IQCJ: variants seen among roughly 807,000 people sequenced by gnomAD.
IQCJ encodes IQ domain-containing protein J.
A neutral mutation model predicts 11.0 loss-of-function variants in IQCJ; 9 were observed. That is an observed-to-expected ratio of 0.82 (90% CI 0.49 to 1.43). The LOEUF is 1.43. Among genes scored for constraint, IQCJ ranks in the 40% most tolerant of loss-of-function variants. IQCJ has a pLI of 0.00. For synonymous variants in IQCJ, 55 were observed against 51.3 expected (o/e 1.07, Z -0.31); for missense variants, 146 against 133.2 (o/e 1.10, Z -0.47).
intron 1 of IQCJ, among the ~76,000 whole-genome samples, chr3:159,242,662 A>C (rs1266305670): frequency 2.0e-5 from 3 of 151,536 alleles, no homozygotes; most frequent in African/African-American, 7.3e-5. Flanking sequence ...AGAAGAATTG[A>C]TCTCAATTCT....
intron 1 of IQCJ, among the ~76,000 whole-genome samples, chr3:159,090,571 C>G (rs1043386360): frequency 2.0e-5 from 3 of 151,570 alleles, no homozygotes; most frequent in Non-Finnish European, 4.4e-5. Flanking sequence ...CAGACTTGTT[C>G]AGGGCTGAAA....
At chr3:159,181,745 T>C (rs1482155785) in intron 1 of IQCJ, among the ~76,000 whole-genome samples, 1 of 151,746 alleles carries the variant, frequency 6.6e-6, no homozygotes, top group Non-Finnish European at 1.5e-5. Context: ...GTGTTGACTT[T>C]CTCTTTTCCA....
intron 1 of IQCJ, among the ~76,000 whole-genome samples, chr3:159,102,566 C>T (rs1162014999): frequency 6.6e-6 from 1 of 152,216 alleles, no homozygotes; most frequent in African/African-American, 2.4e-5. Context: ...TGGGTGAATG[C>T]TGGCTAAACT....
chr3:159,215,265 T>C (rs1459989541), intron 1 of IQCJ, among the ~76,000 whole-genome samples: 1 of 152,088 alleles, frequency 6.6e-6, no homozygotes, highest in Non-Finnish European at 1.5e-5. Context: ...GCAAGTCCTG[T>C]TTTTCAGATT....
chr3:159,104,493 C>A (rs1281431291), intron 1 of IQCJ, among the ~76,000 whole-genome samples: 3 of 152,144 alleles, frequency 2.0e-5, no homozygotes, highest in Non-Finnish European at 2.9e-5. Flanking sequence ...TTACCTTTTC[C>A]CTTTAATACA....
intron 1 of IQCJ, among the ~76,000 whole-genome samples, chr3:159,146,143 G>A (rs1577039324): frequency 6.6e-6 from 1 of 152,314 alleles, no homozygotes; most frequent in East Asian, 1.9e-4. Context: ...TTAACAACAT[G>A]AGTAGAGACC....
chr3:159,072,175 T>C (rs929708302), intron 1 of IQCJ, among the ~76,000 whole-genome samples: 2 of 152,130 alleles, frequency 1.3e-5, no homozygotes, highest in African/African-American at 4.8e-5. Flanking sequence ...GAGAATTGCA[T>C]TGGATTTTTT....
chr3:159,157,488 A>G (rs1285732657), intron 1 of IQCJ, among the ~76,000 whole-genome samples: 1 of 152,208 alleles, frequency 6.6e-6, no homozygotes, highest in Non-Finnish European at 1.5e-5. Flanking sequence ...ATAAGCAAAC[A>G]TTTATATGAT....
chr3:159,135,118 G>C (rs1720213219), intron 1 of IQCJ, among the ~76,000 whole-genome samples: 2 of 152,128 alleles, frequency 1.3e-5, no homozygotes, highest in Admixed American at 1.3e-4. Context: ...TTATGATTTT[G>C]ACAGCTGTGA....
intron 1 of IQCJ, among the ~76,000 whole-genome samples, chr3:159,109,356 A>G (rs1718468181): frequency 6.6e-6 from 1 of 152,162 alleles, no homozygotes; most frequent in Admixed American, 6.6e-5. Context: ...ACAGCCCACA[A>G]GAGTTACTTG....
At chr3:159,185,402 G>C (rs375736983) in intron 1 of IQCJ, among the ~76,000 whole-genome samples, 1 of 152,080 alleles carries the variant, frequency 6.6e-6, no homozygotes, top group East Asian at 1.9e-4. Flanking sequence ...GGTATGGTGG[G>C]CAGTCTAAAA....
At chr3:159,170,434 T>C (rs550694447) in intron 1 of IQCJ, among the ~76,000 whole-genome samples, 19 of 152,318 alleles carry the variant, frequency 1.2e-4, no homozygotes, top group Admixed American at 1.0e-3. Context: ...ATTTGTCTAA[T>C]TGGGGCAGTT....
intron 1 of IQCJ, among the ~76,000 whole-genome samples, chr3:159,109,711 T>A (rs944135632): frequency 6.6e-6 from 1 of 152,060 alleles, no homozygotes; most frequent in African/African-American, 2.4e-5. Flanking sequence ...AATGCCTCTG[T>A]GTGTGTTGTG....
At chr3:159,102,685 T>A (rs1369230136) in intron 1 of IQCJ, among the ~76,000 whole-genome samples, 1 of 152,208 alleles carries the variant, frequency 6.6e-6, no homozygotes, top group African/African-American at 2.4e-5. Context: ...AATAGTTAGC[T>A]TTGATAGGAG....
intron 1 of IQCJ, among the ~76,000 whole-genome samples, chr3:159,221,707 C>T (rs1725557032): frequency 1.3e-5 from 2 of 151,986 alleles, no homozygotes; most frequent in Non-Finnish European, 2.9e-5. Context: ...CCCCTTAAGC[C>T]TTACCAGTGC....
At chr3:159,259,528 A>AT (rs2108230749) in intron 3 of IQCJ, among the ~76,000 whole-genome samples, 1 of 152,282 alleles carries the variant, frequency 6.6e-6, no homozygotes, top group Admixed American at 6.5e-5. Flanking sequence ...ATTCCTTATG[A>AT]TTGAGAGATG....
chr3:159,089,325 T>C lies in IQCJ; in HGVS notation c.9+19884T>C, dbSNP rs1390781946. Among the ~76,000 whole-genome samples the C allele has an allele frequency of 7.9e-5, 12 of 152,324 alleles. No homozygotes were observed. The East Asian group carries it at 2.1e-3, about 27-fold the overall frequency. On this transcript the variant is annotated intron_variant, in intron 1 of 3. Transcript: ENST00000397832. ...GATGGGCTTCCCTTTGAGGATAACC[T>C]GACCTTTCTTTCTGGCTGCCCTTAA... is the stretch of plus-strand genomic sequence containing the variant.
intron 1 of IQCJ, among the ~76,000 whole-genome samples, chr3:159,090,265 TAAG>T (rs1369442832): frequency 6.6e-6 from 1 of 151,726 alleles, no homozygotes; most frequent in East Asian, 1.9e-4. Context: ...GGGACCCACT[TAAG>T]GAGGCAGTCT....
At chr3:159,091,668 ACG>A (rs1553775112) in intron 1 of IQCJ, among the ~76,000 whole-genome samples, 2,312 of 34,642 alleles carry the variant, frequency 0.067, 61 homozygotes, top group African/African-American at 0.089. Context: ...ACACACACAC[ACG>A]CATGCACACA....
Sources: gnomAD v4.1 joint callset for allele counts (sites outside exome capture counted in the v4.1 genomes callset) on GRCh38, gnomAD v4.1.1 for gene constraint, MANE v1.5 for transcripts, NCBI Gene and HGNC (gene_info 2026-07-23, HGNC 2026-07-21) for gene names.